The following C1orf198 variants were observed in gnomAD, a reference collection of about 807,000 sequenced individuals.
C1orf198 encodes uncharacterized protein C1orf198.
A neutral mutation model predicts 31.4 loss-of-function variants in C1orf198; 17 were observed. That is an observed-to-expected ratio of 0.54 (90% CI 0.37 to 0.81). C1orf198 has a LOEUF of 0.81. C1orf198 is among the 40% of genes least tolerant of loss of function. The probability of loss-of-function intolerance (pLI) is 0.00; values close to 1 mark genes in which losing one functional copy is unlikely to be tolerated. For synonymous variants in C1orf198, 175 were observed against 193.8 expected, an observed-to-expected ratio of 0.90 and a Z score of 0.81; for missense variants, 401 against 450.3, an observed-to-expected ratio of 0.89 and a Z score of 0.99.
intron 2 of C1orf198, among the ~76,000 whole-genome samples, chr1:230,850,638 G>T (rs1026684913): frequency 2.0e-5 from 3 of 152,064 alleles, no homozygotes; most frequent in Non-Finnish European, 4.4e-5. Flanking sequence ...GCACACAGGG[G>T]TCTGCTGTTG....
At chr1:230,859,995 G>A (rs1176497269) in intron 1 of C1orf198, among the ~76,000 whole-genome samples, 1 of 152,184 alleles carries the variant, frequency 6.6e-6, no homozygotes, top group Non-Finnish European at 1.5e-5. Flanking sequence ...CTGCAAGGCT[G>A]CAACCAGAGG....
chr1:230,859,242 T>A (rs1171069637), intron 1 of C1orf198, among the ~76,000 whole-genome samples: 1 of 152,128 alleles, frequency 6.6e-6, no homozygotes, highest in Admixed American at 6.5e-5. Context: ...ACGCATACAA[T>A]GCTGTCCTTT....
chr1:230,850,047 T>C (rs1457739926), intron 2 of C1orf198, among the ~76,000 whole-genome samples: 1 of 152,158 alleles, frequency 6.6e-6, no homozygotes, highest in African/African-American at 2.4e-5. Context: ...CAACAGGAAA[T>C]GGGTGCAGAG....
intron 1 of C1orf198, among the ~76,000 whole-genome samples, chr1:230,867,099 G>T (rs1265236171): frequency 6.6e-6 from 1 of 152,030 alleles, no homozygotes; most frequent in African/African-American, 2.4e-5. Flanking sequence ...CAACTTCCTC[G>T]GAAAAAATCT....
At chr1:230,854,412 T>C (rs1273083837) in intron 2 of C1orf198, among the ~76,000 whole-genome samples, 4 of 152,324 alleles carry the variant, frequency 2.6e-5, no homozygotes, top group Middle Eastern at 3.4e-3. Flanking sequence ...GCAATGTCAG[T>C]AGACACAGGA....
intron 2 of C1orf198, among the ~76,000 whole-genome samples, chr1:230,847,615 T>A (rs1301743615): frequency 6.6e-6 from 1 of 152,170 alleles, no homozygotes; most frequent in East Asian, 1.9e-4. Flanking sequence ...CACAGTGGGA[T>A]TTCTTTATGT....
chr1:230,846,786 C>A (rs937018449), intron 2 of C1orf198, among the ~76,000 whole-genome samples: 1 of 152,156 alleles, frequency 6.6e-6, no homozygotes, highest in African/African-American at 2.4e-5. Flanking sequence ...CGTGGTGAAA[C>A]CCCGTCTCTA....
chr1:230,858,938 A>AG (rs1669941463), intron 1 of C1orf198, among the ~76,000 whole-genome samples: 1 of 152,170 alleles, frequency 6.6e-6, no homozygotes, highest in Non-Finnish European at 1.5e-5. Flanking sequence ...AGGAGGAGAA[A>AG]GGGTCACACT....
chr1:230,855,791 C>A (rs1037877962), intron 1 of C1orf198, 73 bp from the exon 2 acceptor site: 1 of 1,560,338 alleles, frequency 6.4e-7, no homozygotes, highest in Non-Finnish European at 8.7e-7. Context: ...CACCCAGGAC[C>A]GTGGGGGAAC....
At chr1:230,868,541 C>T, upstream of C1orf198, 1 of 1,251,000 alleles carries the variant, frequency 8.0e-7, no homozygotes, top group East Asian at 3.3e-5. Context: ...TCCCGGCCCG[C>T]GCCCCGCCCC....
intron 1 of C1orf198, among the ~76,000 whole-genome samples, chr1:230,865,126 C>G (rs1312309873): frequency 6.6e-6 from 1 of 152,160 alleles, no homozygotes; most frequent in Non-Finnish European, 1.5e-5. Context: ...GCCAGACCAG[C>G]GAGTTGGAAA....
At chr1:230,841,785 C>A (rs530999962) in intron 3 of C1orf198, among the ~76,000 whole-genome samples, 1 of 152,292 alleles carries the variant, frequency 6.6e-6, no homozygotes, top group Admixed American at 6.5e-5. Flanking sequence ...TGGGTATGCA[C>A]CCAGGAGAAG....
intron 2 of C1orf198, among the ~76,000 whole-genome samples, chr1:230,845,892 T>C (rs529634528): frequency 6.6e-6 from 1 of 152,346 alleles, no homozygotes; most frequent in East Asian, 1.9e-4. Flanking sequence ...GTAGTTCTGT[T>C]GGGCATGTGA....
intron 1 of C1orf198, among the ~76,000 whole-genome samples, chr1:230,861,447 T>C (rs1670002028): frequency 6.6e-6 from 1 of 152,236 alleles, no homozygotes; most frequent in African/African-American, 2.4e-5. Flanking sequence ...TCAATACAGT[T>C]ACTATTATCC....
Position 230,855,698 on chromosome 1 carries a change from CT to C in C1orf198, c.353del (p.Glu118GlyfsTer93). 6.2e-7 allele frequency: 1 copy of C among 1,613,340 alleles called. No homozygotes were observed. Among genetic ancestry groups the C allele is most frequent in the Non-Finnish European group, 8.5e-7 (1 of 1,179,558 alleles). ...TTTCCCAGGAGAAAGGGGCAGAGTG[CT>C]CATCTTGCCAAGTTAGATCCTGAAA... Reference protein sequence around the residue: ...FGDEDLTWQDEHSAPFSWETK... With the variant: ...FGDEDLTWQDXHSAPFSWETK... On this transcript the variant is annotated frameshift_variant, in exon 2 of 4. Transcript: ENST00000366663. LOFTEE classifies it high-confidence loss of function.
intron 1 of C1orf198, chr1:230,856,015 G>A (rs1669861341): frequency 2.6e-6 from 3 of 1,162,924 alleles, no homozygotes; most frequent in Non-Finnish European, 3.2e-6. Flanking sequence ...AGTGGATGAG[G>A]GCTTGATGGT....
chr1:230,864,048 T>C (rs1226714873), intron 1 of C1orf198, among the ~76,000 whole-genome samples: 4 of 152,140 alleles, frequency 2.6e-5, no homozygotes, highest in Non-Finnish European at 5.9e-5. Flanking sequence ...ACTTCATGTG[T>C]CATTGGTCCT....
chr1:230,843,961 G>A lies in C1orf198; in HGVS notation c.385-65C>T, dbSNP rs1011580549. The A allele has an allele frequency of 3.9e-5, 57 of 1,469,144 alleles. No individual in the cohort carries two copies. Among genetic ancestry groups the A allele is most frequent in the Non-Finnish European group, 4.9e-5 (54 of 1,107,580 alleles). 91.0% of individuals were successfully genotyped at this position (1,469,144 alleles called of 1,614,324 possible). On this transcript the variant is annotated intron_variant, in intron 2 of 3. Coordinates refer to ENST00000366663, the MANE Select transcript of C1orf198 (RefSeq NM_032800.3). The surrounding 1 kb of genome is among the most constrained non-coding windows in gnomAD (Gnocchi z 4.9). ...ATCCTGAGAATCGACCGTCACAAGT[G>A]TGCCAGCTCACGCACCCCTCCTCAG... is the stretch of plus-strand genomic sequence containing the variant.
Position 230,843,736 on chromosome 1 carries a change from G to A in C1orf198, c.545C>T (p.Thr182Ile). 6.2e-7 allele frequency: 1 copy of A among 1,614,176 alleles called. No homozygotes were observed. The highest frequency in any genetic ancestry group is 8.5e-7 in the Non-Finnish European group (1 of 1,180,012). ...GAATGACGCTTCCTCCTCCTTCCTG[G>A]TGGGGCCCAGGGCGTCCAGGCTGGA... ...RSSSLDALGP[T>I]RKEEEASFWK... Residue 182 changes from threonine to isoleucine, a missense_variant, in exon 3 of 4, where the codon ACC becomes ATC. Coordinates refer to ENST00000366663, the MANE Select transcript of C1orf198 (RefSeq NM_032800.3). This position sits in a 1 kb window ranked among gnomAD's most constrained non-coding sequence, Gnocchi z 4.9.
Sources: allele counts gnomAD v4.1 joint callset (sites outside exome capture counted in the v4.1 genomes callset), GRCh38; gene constraint gnomAD v4.1.1; non-coding constraint Gnocchi (gnomAD v3.1); transcripts MANE v1.5; gene names NCBI Gene and HGNC (gene_info 2026-07-23, HGNC 2026-07-21).